The following FCHSD1 variants were observed in gnomAD, a reference collection of about 807,000 sequenced individuals.
The protein encoded by FCHSD1 is FCH and double SH3 domains 1.
Under a neutral mutation model 101.3 loss-of-function variants are expected in FCHSD1, and 109 were observed. The observed-to-expected ratio is 1.08, with a 90% confidence interval of 0.92 to 1.26. The LOEUF (loss-of-function observed/expected upper bound fraction) is 1.26, where lower values mean the gene tolerates loss of function less well. Among genes scored for constraint, FCHSD1 ranks in the 50% most tolerant of loss-of-function variants. FCHSD1 has a pLI of 0.00. For synonymous variants in FCHSD1, 291 were observed against 356.8 expected (o/e 0.82, Z 2.08); for missense variants, 820 against 895.8 (o/e 0.92, Z 1.08).
Position 141,644,524 on chromosome 5 carries a change from A to T in FCHSD1, c.1642+49T>A, listed in dbSNP as rs780957776. On this transcript the variant is annotated intron_variant, in intron 16 of 19. Coordinates refer to ENST00000435817, the MANE Select transcript of FCHSD1 (RefSeq NM_033449.3). ...CACCCCAGGGCTACAACCCCTAACA[A>T]TTTTTCTCCATACCCAGGGTCCTCT... is the stretch of plus-strand genomic sequence containing the variant. 5 of 1,609,372 alleles carry T rather than the reference A, an allele frequency of 3.1e-6. No homozygotes were observed. In the East Asian group the frequency reaches 8.9e-5, roughly 29 times the overall value.
Position 141,640,206 on chromosome 5 carries a change from C to T in FCHSD1, c.*1292G>A, listed in dbSNP as rs1562380981. ...CCCCAGAGCTTCTGCAGAGCCAACA[C>T]TGAGGGCCGGAGGGAGGGGCCCAAG... is the stretch of plus-strand genomic sequence containing the variant. On this transcript the variant is annotated 3_prime_UTR_variant, in exon 20 of 20. Transcript: ENST00000435817. 3 of 1,614,198 alleles carry T rather than the reference C, an allele frequency of 1.9e-6. No homozygotes were observed. The highest frequency in any genetic ancestry group is 2.2e-5 in the East Asian group (1 of 44,878).
intron 7 of FCHSD1, 46 bp from the exon 8 acceptor site, chr5:141,648,142 G>A: frequency 6.4e-7 from 1 of 1,558,562 alleles, no homozygotes; most frequent in Non-Finnish European, 8.7e-7. Context: ...GACCCCCAGA[G>A]TCCTTCCAAG....
At position 141,640,891 on chromosome 5, in the gene FCHSD1, C is replaced by G. The variant is rs977950874; in HGVS notation, c.*607G>C. 1.0e-5 allele frequency: 6 copies of G among 585,922 alleles called. No homozygotes were observed. Among genetic ancestry groups the G allele is most frequent in the Admixed American group, 3.1e-5 (1 of 32,778 alleles). 36.3% of individuals were successfully genotyped at this position (585,922 alleles called of 1,614,324 possible). On this transcript the variant is annotated 3_prime_UTR_variant, in exon 20 of 20. Transcript: ENST00000435817. ...CAACAGGCTGCCTGCCCCGCCTTCC[C>G]CAACACCTCGCTCCATATGATAGAG...
Position 141,647,245 on chromosome 5 carries a change from A to C in FCHSD1, c.829-15T>G, listed in dbSNP as rs17286989. On this transcript the variant is annotated splice_polypyrimidine_tract_variant and intron_variant, in intron 9 of 19. Coordinates refer to ENST00000435817, the MANE Select transcript of FCHSD1 (RefSeq NM_033449.3). ...TCCCAGCTTACCTAGGGGTTGGGAA[A>C]AGTCAAAGTCACTCATTCACTGACT... 110,158 of 1,594,038 alleles carry C rather than the reference A, an allele frequency of 0.069. 4,478 individuals carry two copies. The highest frequency in any genetic ancestry group is 0.083 in the Non-Finnish European group (97,062 of 1,169,834).
chr5:141,649,325 A>G lies in FCHSD1; in HGVS notation c.376-17T>C. The G allele has an allele frequency of 6.2e-7, 1 of 1,613,940 alleles. No homozygotes were observed. The highest frequency in any genetic ancestry group is 8.5e-7 in the Non-Finnish European group (1 of 1,179,882). On this transcript the variant is annotated splice_polypyrimidine_tract_variant and intron_variant, in intron 5 of 19. Coordinates refer to ENST00000435817, the MANE Select transcript of FCHSD1 (RefSeq NM_033449.3). This position sits in a 1 kb window ranked among gnomAD's most constrained non-coding sequence, Gnocchi z 4.1. Reference sequence around the variant, plus strand: ...CTCTGTTCCCTATTGGGATGCATACACAAAGTCCTTACCTAGACCACCTTT... The same window carrying G: ...CTCTGTTCCCTATTGGGATGCATACGCAAAGTCCTTACCTAGACCACCTTT...
At chr5:141,644,771 G>T (rs968580390) in intron 15 of FCHSD1, 81 bp from the exon 16 acceptor site, 2 of 1,604,676 alleles carry the variant, frequency 1.2e-6, no homozygotes, top group African/African-American at 1.3e-5. Context: ...CAGGCTTCTA[G>T]CTTTGCCTAG....
chr5:141,646,595 C>T lies in FCHSD1; in HGVS notation c.1044+8G>A, dbSNP rs769344653. ...GGTGCACATGACACCTGTGCCCCCCCACCTCACCCGATGCCCATGGTTCTG... is the reference window on the plus strand; with the variant it reads ...GGTGCACATGACACCTGTGCCCCCCTACCTCACCCGATGCCCATGGTTCTG... On this transcript the variant is annotated splice_region_variant and intron_variant, in intron 11 of 19. Coordinates refer to ENST00000435817, the MANE Select transcript of FCHSD1 (RefSeq NM_033449.3). The T allele has an allele frequency of 2.5e-6, 4 of 1,609,920 alleles. No homozygotes were observed. Among genetic ancestry groups the T allele is most frequent in the Non-Finnish European group, 2.5e-6 (3 of 1,178,402 alleles).
In FCHSD1 at chr5:141,650,409, G is replaced by A. The variant is rs1297496092; in HGVS notation, c.120-5C>T. On this transcript the variant is annotated splice_region_variant and splice_polypyrimidine_tract_variant and intron_variant, in intron 2 of 19. Transcript: ENST00000435817. ...GCCCTCTGCTTGCTGTAGGATCTGCGGAGATTGCAGGTCGGGGGTGAGGTG... is the reference window on the plus strand; with the variant it reads ...GCCCTCTGCTTGCTGTAGGATCTGCAGAGATTGCAGGTCGGGGGTGAGGTG... 23 of 1,613,784 alleles carry A rather than the reference G, an allele frequency of 1.4e-5. No individual in the cohort carries two copies. Among genetic ancestry groups the A allele is most frequent in the Middle Eastern group, 1.6e-4 (1 of 6,084 alleles).
Position 141,639,843 on chromosome 5 carries a change from G to C in FCHSD1, c.*1655C>G. On this transcript the variant is annotated 3_prime_UTR_variant, in exon 20 of 20. Coordinates refer to ENST00000435817, the MANE Select transcript of FCHSD1 (RefSeq NM_033449.3). The surrounding 1 kb of genome is among the most constrained non-coding windows in gnomAD (Gnocchi z 4.4). ...AGAGGGAAGTAGCCACCAAACTCAG[G>C]ATGTCCCTGGTCAGAGGGGAGGGCC... is the stretch of plus-strand genomic sequence containing the variant. The C allele has an allele frequency of 6.6e-7, 1 of 1,504,692 alleles. No homozygotes were observed. The highest frequency in any genetic ancestry group is 9.2e-7 in the Non-Finnish European group (1 of 1,086,940). The allele number at this position is 1,504,692 out of a possible 1,614,324, so 93.2% of individuals were successfully genotyped here.
chr5:141,648,266 G>C (rs955349031), intron 7 of FCHSD1, among the ~76,000 whole-genome samples, 170 bp from the exon 8 acceptor site: 10 of 152,172 alleles, frequency 6.6e-5, no homozygotes, highest in African/African-American at 2.2e-4. Context: ...AAATCTTCTA[G>C]TGCCTTCTGC....
intron 1 of FCHSD1, 97 bp downstream of exon 1, chr5:141,651,251 C>T: frequency 6.5e-7 from 1 of 1,538,532 alleles, no homozygotes; most frequent in Non-Finnish European, 8.8e-7. Flanking sequence ...GGGTCTGACC[C>T]CTTCCGACTT....
intron 11 of FCHSD1, 165 bp from the exon 12 acceptor site, chr5:141,646,356 C>T: frequency 1.1e-6 from 1 of 923,002 alleles, no homozygotes; most frequent in Non-Finnish European, 1.7e-6. Context: ...AAATTGAAGT[C>T]CAGAGAGGTT....
At chr5:141,642,239 T>G in intron 18 of FCHSD1, 1 of 552,002 alleles carries the variant, frequency 1.8e-6, no homozygotes, top group Non-Finnish European at 3.2e-6. Context: ...CTAAGTGAAC[T>G]AACTCAGAAA....
At chr5:141,646,554 C>G (rs2099907688) in intron 11 of FCHSD1, 49 bp downstream of exon 11, 1 of 1,571,470 alleles carries the variant, frequency 6.4e-7, no homozygotes. Flanking sequence ...CTCAGCTCTT[C>G]TTGCTGAGAC....
chr5:141,647,836 T>G, intron 8 of FCHSD1, 132 bp downstream of exon 8: 1 of 1,311,074 alleles, frequency 7.6e-7, no homozygotes, highest in Non-Finnish European at 1.0e-6. Flanking sequence ...CCAGAGTGCA[T>G]GTATGTATCA....
rs1261240034 is a variant in FCHSD1, at chr5:141,649,902, C to T, written c.218G>A (p.Gly73Asp). The change falls in exon 4 of 20, where the codon GGT (glycine) becomes GAT (aspartate). Residue 73 changes from glycine (G) to aspartate (D), a missense_variant. Gly to Asp is a moderately conservative substitution (Grantham distance 94). Coordinates refer to ENST00000435817, the MANE Select transcript of FCHSD1 (RefSeq NM_033449.3). This position sits in a 1 kb window ranked among gnomAD's most constrained non-coding sequence, Gnocchi z 4.1. ...TAGGGCCCACCTGCTGTCCATCTCA[C>T]CGCTCCGGTGCCCTTCCCTCTTCAG... ...PFLKREGHRS[G>D]EMDSRGRTVF... 6 of 1,550,064 alleles carry T rather than the reference C, an allele frequency of 3.9e-6. No individual in the cohort carries two copies. The Admixed American group carries it at 1.0e-4, about 26-fold the overall frequency.
chr5:141,646,545 T>C (rs1400778561), intron 11 of FCHSD1, 58 bp downstream of exon 11: 2 of 1,555,932 alleles, frequency 1.3e-6, no homozygotes. Flanking sequence ...ATCCCCTCTC[T>C]CAGCTCTTCT....
At position 141,649,425 on chromosome 5, in the gene FCHSD1, C is replaced by T. The variant is rs1340010972; in HGVS notation, c.345G>A (p.Gly115=). ...DRYRDLAGGT[G]RSAKEQVLRK... ...TAAGCACCTGCTCCTTGGCGCTCCG[C>T]CCTGTACCCCCTGCTAGGTCACGGT... Residue 115 remains glycine, a synonymous_variant, in exon 5 of 20, where the codon GGG becomes GGA. Coordinates refer to ENST00000435817, the MANE Select transcript of FCHSD1 (RefSeq NM_033449.3). The surrounding 1 kb of genome is among the most constrained non-coding windows in gnomAD (Gnocchi z 4.1). 1 of 1,613,914 alleles carries T rather than the reference C, an allele frequency of 6.2e-7. No individual in the cohort carries two copies. Among genetic ancestry groups the T allele is most frequent in the African/African-American group, 1.3e-5 (1 of 74,938 alleles).
At position 141,640,728 on chromosome 5, in the gene FCHSD1, G is replaced by C; in HGVS notation, c.*770C>G. The C allele has an allele frequency of 6.7e-7, 1 of 1,490,520 alleles. No homozygotes were observed. Among genetic ancestry groups the C allele is most frequent in the Non-Finnish European group, 9.0e-7 (1 of 1,110,596 alleles). The allele number at this position is 1,490,520 out of a possible 1,614,324, so 92.3% of individuals were successfully genotyped here. A position where few individuals can be genotyped will look rare whatever the true frequency, so the allele number is the denominator to read the frequency against. ...GCAGGGCCAGGGGGTGGGTGGGCGTGAAAGCCCTCCCCTCCACTGGACAGC... is the reference window on the plus strand; with the variant it reads ...GCAGGGCCAGGGGGTGGGTGGGCGTCAAAGCCCTCCCCTCCACTGGACAGC... On this transcript the variant is annotated 3_prime_UTR_variant, in exon 20 of 20. Coordinates refer to ENST00000435817, the MANE Select transcript of FCHSD1 (RefSeq NM_033449.3).
Sources: gnomAD v4.1 joint callset for allele counts (sites outside exome capture counted in the v4.1 genomes callset) on GRCh38, gnomAD v4.1.1 for gene constraint, Gnocchi (gnomAD v3.1) non-coding constraint, MANE v1.5 for transcripts, NCBI Gene and HGNC (gene_info 2026-07-23, HGNC 2026-07-21) for gene names.